TNFAIP8L1: variants seen among roughly 807,000 people sequenced by gnomAD.
TNFAIP8L1 encodes the protein tumor necrosis factor alpha-induced protein 8-like protein 1.
For synonymous variants in TNFAIP8L1, 127 were observed against 125.6 expected (o/e 1.01, Z -0.08); for missense variants, 225 against 266.1 (o/e 0.85, Z 1.08).
rs773167078 is a variant in TNFAIP8L1, at chr19:4,652,018, C to G, written c.149C>G (p.Thr50Arg). ...CTGTACCGCGCCACCAGGGAGTTCA[C>G]GCGCAGCCGCAAGGAGGCCCAGAAG... Reference protein sequence around the residue: ...DELYRATREFTRSRKEAQKML... With the variant: ...DELYRATREFRRSRKEAQKML... The change falls in exon 2 of 2, where the codon ACG (threonine) becomes AGG (arginine). Residue 50 changes from threonine (T) to arginine (R), a missense_variant. Transcript: ENST00000327473. 6.2e-7 allele frequency: 1 copy of G among 1,614,036 alleles called. No individual in the cohort carries two copies. Among genetic ancestry groups the G allele is most frequent in the Non-Finnish European group, 8.5e-7 (1 of 1,179,954 alleles).
intron 1 of TNFAIP8L1, among the ~76,000 whole-genome samples, chr19:4,643,226 C>A (rs2088279530): frequency 6.6e-6 from 1 of 151,688 alleles, no homozygotes; most frequent in Non-Finnish European, 1.5e-5. Context: ...TTGCAGTGAG[C>A]CGAGATCACG....
chr19:4,651,787 G>C (rs2088366482), intron 1 of TNFAIP8L1, 80 bp from the exon 2 acceptor site: 1 of 1,439,780 alleles, frequency 6.9e-7, no homozygotes, highest in East Asian at 2.3e-5. Context: ...AGGCCCTCTG[G>C]GGTCTGTGGT....
chr19:4,644,422 G>A (rs1453572561), intron 1 of TNFAIP8L1, among the ~76,000 whole-genome samples: 1 of 150,618 alleles, frequency 6.6e-6, no homozygotes, highest in African/African-American at 2.4e-5. Flanking sequence ...GCACATACCT[G>A]TAGTCCCAGC....
intron 1 of TNFAIP8L1, among the ~76,000 whole-genome samples, chr19:4,649,913 G>A (rs10426254): frequency 0.064 from 9,718 of 152,346 alleles, 350 homozygotes; most frequent in African/African-American, 0.089. Context: ...CACAAAGACC[G>A]GCTTTGTGGG....
rs532893574 is a variant in TNFAIP8L1, at chr19:4,651,837, A to G, written c.-3-30A>G. 79 of 1,560,378 alleles carry G rather than the reference A, an allele frequency of 5.1e-5. 3 individuals carry two copies. The South Asian group carries it at 8.9e-4, about 18-fold the overall frequency. On this transcript the variant is annotated intron_variant, in intron 1 of 1. Coordinates refer to ENST00000327473, the MANE Select transcript of TNFAIP8L1 (RefSeq NM_152362.3). ...TGTGTGAGGAGTGCCCCAACGTGCA[A>G]AACTGAGGGCTGGTCTGTGTCCCCC... is the stretch of plus-strand genomic sequence containing the variant.
chr19:4,648,535 G>A (rs1189479352), intron 1 of TNFAIP8L1, among the ~76,000 whole-genome samples: 1 of 152,236 alleles, frequency 6.6e-6, no homozygotes, highest in Admixed American at 6.5e-5. Flanking sequence ...CGTCTTAGGA[G>A]TGTGGGGGCC....
At chr19:4,643,153 T>C (rs2088278682) in intron 1 of TNFAIP8L1, among the ~76,000 whole-genome samples, 3 of 151,338 alleles carry the variant, frequency 2.0e-5, no homozygotes, top group East Asian at 1.9e-4. Flanking sequence ...GTGGCACGTG[T>C]CTGTAATACC....
rs1270239794 is a variant in TNFAIP8L1 at position 4,652,087 on chromosome 19, T to C, written c.218T>C (p.Leu73Pro). The change falls in exon 2 of 2, where the codon CTG (leucine) becomes CCG (proline). Residue 73 changes from leucine to proline, a missense_variant. By Grantham distance (98) the Leu-to-Pro change is moderately conservative. Transcript: ENST00000327473. ...AAGGTGGCCCTGAAGCTGGGACTGC[T>C]GCTGCGTGGGGACCAGCTGGGCGGT... ...LVKVALKLGL[L>P]LRGDQLGGEE... 1 of 1,603,832 alleles carries C rather than the reference T, an allele frequency of 6.2e-7. No individual in the cohort carries two copies. Among genetic ancestry groups the C allele is most frequent in the Non-Finnish European group, 8.5e-7 (1 of 1,175,320 alleles).
chr19:4,654,175 C>CT lies in TNFAIP8L1; in HGVS notation c.*1746dup, dbSNP rs2088400970. The stretch of plus-strand genomic sequence containing the variant: ...TACTGGAAGCCCCCACTCAAGAAGG[C>CT]TCCAGTGAATGCTGGCACGTTCAGC... On this transcript the variant is annotated 3_prime_UTR_variant, in exon 2 of 2. Transcript: ENST00000327473. 6.6e-6 allele frequency: 1 copy of CT among 152,194 alleles called. No homozygotes were observed. Among genetic ancestry groups the CT allele is most frequent in the Non-Finnish European group, 1.5e-5 (1 of 68,058 alleles). 9.4% of individuals were successfully genotyped at this position (152,194 alleles called of 1,614,324 possible).
chr19:4,654,730 C>T lies in TNFAIP8L1; in HGVS notation c.*2300C>T, dbSNP rs775748878. On this transcript the variant is annotated 3_prime_UTR_variant, in exon 2 of 2. Transcript: ENST00000327473. The stretch of plus-strand genomic sequence containing the variant: ...GCTGTCGTCTTGGCTCTGGTACCAC[C>T]CACGAGATGCGGGCGATTCTCAGCT... 6 of 152,186 alleles carry T rather than the reference C, an allele frequency of 3.9e-5. No individual in the cohort carries two copies. Among genetic ancestry groups the T allele is most frequent in the Non-Finnish European group, 7.3e-5 (5 of 68,040 alleles). 9.4% of individuals were successfully genotyped at this position (152,186 alleles called of 1,614,324 possible). A position where few individuals can be genotyped will look rare whatever the true frequency, so the allele number is the denominator to read the frequency against.
chr19:4,646,909 C>A (rs62112659), intron 1 of TNFAIP8L1, among the ~76,000 whole-genome samples: 56 of 152,252 alleles, frequency 3.7e-4, no homozygotes, highest in Non-Finnish European at 6.9e-4. Context: ...GGATTGCAGG[C>A]GTGAGCCGGT....
In TNFAIP8L1 at chr19:4,653,585, T is replaced by C. The variant is rs2145176630; in HGVS notation, c.*1155T>C. On this transcript the variant is annotated 3_prime_UTR_variant, in exon 2 of 2. Transcript: ENST00000327473. Reference sequence around the variant, plus strand: ...TCCTGGCCAACATGGTGAAACCCCGTCTCTACTAAAAATACAAAAATTAGC... The same window carrying C: ...TCCTGGCCAACATGGTGAAACCCCGCCTCTACTAAAAATACAAAAATTAGC... The C allele has an allele frequency of 6.5e-6, 1 of 153,606 alleles. No homozygotes were observed. Among genetic ancestry groups the C allele is most frequent in the Non-Finnish European group, 1.5e-5 (1 of 67,606 alleles). 9.5% of individuals were successfully genotyped at this position (153,606 alleles called of 1,614,324 possible). A position where few individuals can be genotyped will look rare whatever the true frequency, so the allele number is the denominator to read the frequency against.
chr19:4,646,056 C>T (rs2088307495), intron 1 of TNFAIP8L1, among the ~76,000 whole-genome samples: 1 of 152,192 alleles, frequency 6.6e-6, no homozygotes, highest in African/African-American at 2.4e-5. Context: ...CCCTGAACTT[C>T]ATCCCCCACC....
rs867365895 is a variant in TNFAIP8L1, at chr19:4,652,696, G to C, written c.*266G>C. 1 of 451,484 alleles carries C rather than the reference G, an allele frequency of 2.2e-6. No homozygotes were observed. The highest frequency in any genetic ancestry group is 4.1e-5 in the Admixed American group (1 of 24,264). 28.0% of individuals were successfully genotyped at this position (451,484 alleles called of 1,614,324 possible). ...CTACTCTGGGGACCACCTTTCACCC[G>C]TTTGTACTTTCTGGGCCACGCCGAC... On this transcript the variant is annotated 3_prime_UTR_variant, in exon 2 of 2. Transcript: ENST00000327473.
chr19:4,651,106 T>G (rs916421089), intron 1 of TNFAIP8L1, among the ~76,000 whole-genome samples: 12 of 151,866 alleles, frequency 7.9e-5, no homozygotes, highest in Non-Finnish European at 1.6e-4. Context: ...CAGCCCCGGG[T>G]CTGGGGCTCA....
intron 1 of TNFAIP8L1, among the ~76,000 whole-genome samples, chr19:4,644,822 G>C (rs145040423): frequency 3.9e-5 from 6 of 151,994 alleles, no homozygotes; most frequent in African/African-American, 1.4e-4. Flanking sequence ...GCTGGTCTTG[G>C]ACTCCCGACC....
Position 4,652,110 on chromosome 19 carries a change from G to A in TNFAIP8L1, c.241G>A (p.Gly81Ser), listed in dbSNP as rs367771813. 31 of 1,591,296 alleles carry A rather than the reference G, an allele frequency of 1.9e-5. No individual in the cohort carries two copies. Among genetic ancestry groups the A allele is most frequent in the Non-Finnish European group, 2.6e-5 (30 of 1,169,284 alleles). ...GCTGCTGCGTGGGGACCAGCTGGGC[G>A]GTGAGGAGCTGGCGCTGCTGCGGCG... ...GLLLRGDQLG[G>S]EELALLRRFR... Residue 81 changes from glycine (G) to serine (S), a missense_variant, in exon 2 of 2, where the codon GGT becomes AGT. By Grantham distance (56) the Gly-to-Ser change is moderately conservative (BLOSUM62 0). Coordinates refer to ENST00000327473, the MANE Select transcript of TNFAIP8L1 (RefSeq NM_152362.3).
At position 4,651,862 on chromosome 19, in the gene TNFAIP8L1, C is replaced by G. The variant is rs1302785267; in HGVS notation, c.-3-5C>G. The G allele has an allele frequency of 1.9e-6, 3 of 1,590,676 alleles. No individual in the cohort carries two copies. Among genetic ancestry groups the G allele is most frequent in the East Asian group, 2.3e-5 (1 of 44,416 alleles). On this transcript the variant is annotated splice_polypyrimidine_tract_variant and splice_region_variant and intron_variant, in intron 1 of 1. Transcript: ENST00000327473. ...AAACTGAGGGCTGGTCTGTGTCCCCCGCAGGCCATGGACACCTTCAGCACC... is the reference window on the plus strand; with the variant it reads ...AAACTGAGGGCTGGTCTGTGTCCCCGGCAGGCCATGGACACCTTCAGCACC...
rs944139375 is a variant in TNFAIP8L1, at chr19:4,639,516, G to T, written c.-117G>T. The T allele has an allele frequency of 2.0e-4, 30 of 151,416 alleles. No homozygotes were observed. The highest frequency in any genetic ancestry group is 4.0e-4 in the Non-Finnish European group (27 of 67,564). 9.4% of individuals were successfully genotyped at this position (151,416 alleles called of 1,614,324 possible). ...GGGGCCGCGCTGCCCGCCCCGCCCC[G>T]GCCCCGGCCCCGGCTCCGGCGCTGC... On this transcript the variant is annotated 5_prime_UTR_variant, in exon 1 of 2. Coordinates refer to ENST00000327473, the MANE Select transcript of TNFAIP8L1 (RefSeq NM_152362.3).
Sources: gnomAD v4.1 joint callset for allele counts (sites outside exome capture counted in the v4.1 genomes callset) on GRCh38, gnomAD v4.1.1 for gene constraint, MANE v1.5 for transcripts, NCBI Gene and HGNC (gene_info 2026-07-23, HGNC 2026-07-21) for gene names.